Variants in SNTG1 observed in about 807,000 individuals in gnomAD.
SNTG1 encodes the protein syntrophin gamma 1.
SNTG1 carries 39 observed loss-of-function variants against 74.7 expected under a neutral mutation model. The observed-to-expected ratio is 0.52, with a 90% CI of 0.40 to 0.68. The LOEUF (loss-of-function observed/expected upper bound fraction) is 0.68. SNTG1 is among the 30% of genes least tolerant of loss of function. The pLI, the probability that SNTG1 is intolerant of heterozygous loss-of-function variation, is 0.00. For synonymous variants in SNTG1, 254 were observed against 217.1 expected (o/e 1.17, Z -1.49); for missense variants, 685 against 609.5 (o/e 1.12, Z -1.30).
At chr8:50,667,700 A>T (rs867317202) in intron 15 of SNTG1, among the ~76,000 whole-genome samples, 2 of 152,044 alleles carry the variant, frequency 1.3e-5, no homozygotes, top group Non-Finnish European at 1.5e-5. Flanking sequence ...CCATAGTACC[A>T]TCTTAGTAAA....
At chr8:49,991,388 C>A (rs1431348454) in intron 1 of SNTG1, among the ~76,000 whole-genome samples, 1 of 152,160 alleles carries the variant, frequency 6.6e-6, no homozygotes, top group East Asian at 1.9e-4. Flanking sequence ...TCTGGCCGTT[C>A]ATTAAAGTGT....
At chr8:50,370,074 A>C (rs1253403943) in intron 2 of SNTG1, among the ~76,000 whole-genome samples, 6 of 152,202 alleles carry the variant, frequency 3.9e-5, no homozygotes. Context: ...ATGTATATAC[A>C]TTTGAGCATT....
intron 8 of SNTG1, among the ~76,000 whole-genome samples, chr8:50,463,099 G>A (rs2093580943): frequency 6.6e-6 from 1 of 152,136 alleles, no homozygotes; most frequent in Non-Finnish European, 1.5e-5. Context: ...ATAGGCGTAA[G>A]CCACCACGTC....
rs575867667 is a variant in SNTG1 at position 50,156,368 on chromosome 8, G to A, written c.-102-16193G>A. Among the ~76,000 whole-genome samples, 17 of 152,068 alleles carry A rather than the reference G, an allele frequency of 1.1e-4. No individual in the cohort carries two copies. The South Asian group carries it at 3.5e-3, about 32-fold the overall frequency. On this transcript the variant is annotated intron_variant, in intron 1 of 18. Coordinates refer to ENST00000642720, the MANE Select transcript of SNTG1 (RefSeq NM_018967.5). Reference sequence around the variant, plus strand: ...CGGATCTATAACGCTTATGATCACGGATGCTAAAATCTTTTATGAAATATT... The same window carrying A: ...CGGATCTATAACGCTTATGATCACGAATGCTAAAATCTTTTATGAAATATT...
chr8:50,646,138 T>A (rs1585944213), intron 13 of SNTG1, among the ~76,000 whole-genome samples: 1 of 152,226 alleles, frequency 6.6e-6, no homozygotes, highest in Non-Finnish European at 1.5e-5. Flanking sequence ...TTTCTTTTTC[T>A]CTTTCAAGTG....
chr8:50,426,487 G>C (rs1354329199), intron 4 of SNTG1, among the ~76,000 whole-genome samples: 31 of 151,584 alleles, frequency 2.0e-4, no homozygotes, highest in Admixed American at 2.0e-3. Context: ...AAGGCTTATA[G>C]AGTAAGAATA....
At chr8:50,166,725 G>A (rs532275278) in intron 1 of SNTG1, among the ~76,000 whole-genome samples, 2 of 102,296 alleles carry the variant, frequency 2.0e-5, no homozygotes, top group African/African-American at 9.9e-5. Flanking sequence ...GATTCCTCAG[G>A]GATCTAGAAC....
intron 13 of SNTG1, among the ~76,000 whole-genome samples, chr8:50,600,773 G>T (rs1273089727): frequency 6.6e-6 from 1 of 151,130 alleles, no homozygotes; most frequent in African/African-American, 2.4e-5. Context: ...TGTTTTATTT[G>T]TTTATTTGTA....
At position 50,462,794 on chromosome 8, in the gene SNTG1, C is replaced by CTTTTTTTTTTTTTTTTT. The variant is rs2093576027; in HGVS notation, c.363+12066_363+12067insTTTTTTTTTTTTTTTTT. 3.0e-4 allele frequency among the ~76,000 whole-genome samples: 13 copies of CTTTTTTTTTTTTTTTTT among 43,628 alleles called. 6 individuals are homozygous for CTTTTTTTTTTTTTTTTT. Among genetic ancestry groups the CTTTTTTTTTTTTTTTTT allele is most frequent in the African/African-American group, 3.7e-4 (5 of 13,402 alleles). 28.6% of individuals were successfully genotyped at this position (43,628 alleles called of 152,430 possible). A position where few individuals can be genotyped will look rare whatever the true frequency, so the allele number is the denominator to read the frequency against. On this transcript the variant is annotated intron_variant, in intron 8 of 18. Transcript: ENST00000642720. ...AACTCAGTCGCATCTTCAGGTTCTA[C>CTTTTTTTTTTTTTTTTT]TCTTTTTTTTTTTTTTTTTTTTTTT...
chr8:50,043,634 T>A (rs1427172238), intron 1 of SNTG1, among the ~76,000 whole-genome samples: 1 of 152,162 alleles, frequency 6.6e-6, no homozygotes, highest in Non-Finnish European at 1.5e-5. Context: ...TGGACAGATG[T>A]TTGACTCGCA....
chr8:50,716,259 A>G (rs887277532), intron 17 of SNTG1, among the ~76,000 whole-genome samples: 4 of 152,220 alleles, frequency 2.6e-5, no homozygotes, highest in African/African-American at 4.8e-5. Flanking sequence ...CACATCAAAG[A>G]CAGTTACTAA....
chr8:50,586,623 G>T (rs2094649941), intron 12 of SNTG1, among the ~76,000 whole-genome samples: 2 of 146,946 alleles, frequency 1.4e-5, no homozygotes, highest in East Asian at 4.1e-4. Flanking sequence ...AGTAAATAAT[G>T]ACATTCTCTC....
intron 4 of SNTG1, among the ~76,000 whole-genome samples, chr8:50,417,395 C>G (rs2093028327): frequency 6.6e-6 from 1 of 152,182 alleles, no homozygotes. Flanking sequence ...GTGATCCTCA[C>G]ACTTTACTTT....
At chr8:50,197,711 C>T (rs974973197) in intron 2 of SNTG1, among the ~76,000 whole-genome samples, 3 of 152,082 alleles carry the variant, frequency 2.0e-5, no homozygotes, top group Admixed American at 1.3e-4. Context: ...ATCATTTTAC[C>T]TTCCACATTG....
At chr8:49,927,904 C>T (rs921864688) in intron 1 of SNTG1, among the ~76,000 whole-genome samples, 7 of 151,866 alleles carry the variant, frequency 4.6e-5, no homozygotes, top group Admixed American at 3.9e-4. Context: ...ATCACAAGGT[C>T]AGGAGTTCAA....
At chr8:50,357,929 G>A (rs541866809) in intron 2 of SNTG1, among the ~76,000 whole-genome samples, 5 of 152,174 alleles carry the variant, frequency 3.3e-5, no homozygotes, top group East Asian at 1.9e-4. Flanking sequence ...TTGTGTCTCC[G>A]TTGAGTGCAT....
intron 2 of SNTG1, among the ~76,000 whole-genome samples, chr8:50,191,401 A>T (rs973155063): frequency 9.2e-5 from 14 of 152,168 alleles, no homozygotes; most frequent in Admixed American, 2.0e-4. Context: ...AGGATGCTCT[A>T]ATATGCCAGG....
chr8:50,641,393 G>A (rs1483902778), intron 13 of SNTG1, among the ~76,000 whole-genome samples: 1 of 152,178 alleles, frequency 6.6e-6, no homozygotes, highest in Non-Finnish European at 1.5e-5. Flanking sequence ...GTTCTGCTGT[G>A]GCTGGAAAGG....
intron 2 of SNTG1, among the ~76,000 whole-genome samples, chr8:50,197,316 C>T (rs1188404547): frequency 1.3e-5 from 2 of 152,200 alleles, no homozygotes; most frequent in African/African-American, 2.4e-5. Flanking sequence ...AAATACATTC[C>T]TGTAAGCAGT....
Sources: gnomAD v4.1 joint callset for allele counts (sites outside exome capture counted in the v4.1 genomes callset) on GRCh38, gnomAD v4.1.1 for gene constraint, MANE v1.5 for transcripts, NCBI Gene and HGNC (gene_info 2026-07-23, HGNC 2026-07-21) for gene names.